The following SPATA1 variants were observed in gnomAD, a reference collection of about 807,000 sequenced individuals.
SPATA1 encodes the protein spermatogenesis associated 1, also known as spermatogenesis-associated protein 1.
SPATA1 carries 57 observed loss-of-function variants against 59.6 expected under a neutral mutation model. That is an observed-to-expected ratio of 0.96 (90% CI 0.77 to 1.19). The LOEUF (loss-of-function observed/expected upper bound fraction) is 1.19. SPATA1 is among the 50% of genes most tolerant of loss of function. The probability of loss-of-function intolerance (pLI) is 0.00; values close to 1 mark genes in which losing one functional copy is unlikely to be tolerated. For missense variants in SPATA1, 448 were observed against 480.7 expected (o/e 0.93, Z 0.64); for synonymous variants, 147 against 163.9 (o/e 0.90, Z 0.79).
At chr1:84,535,111 CT>C (rs891336121) in intron 8 of SPATA1, among the ~76,000 whole-genome samples, 6 of 152,114 alleles carry the variant, frequency 3.9e-5, no homozygotes, top group African/African-American at 1.4e-4. Context: ...TTTGTTAAGA[CT>C]TTATTTTTCC....
chr1:84,562,064 T>A (rs1684606101), intron 4 of SPATA1, among the ~76,000 whole-genome samples: 1 of 152,228 alleles, frequency 6.6e-6, no homozygotes, highest in Non-Finnish European at 1.5e-5. Flanking sequence ...TTCTAAGAAC[T>A]GCATGTTTCT....
intron 4 of SPATA1, among the ~76,000 whole-genome samples, chr1:84,561,387 G>A (rs556488386): frequency 6.6e-6 from 1 of 152,304 alleles, no homozygotes; most frequent in East Asian, 1.9e-4. Flanking sequence ...AATAGATGAG[G>A]AGCTACTTCT....
At chr1:84,560,374 C>G (rs1239082555) in intron 4 of SPATA1, among the ~76,000 whole-genome samples, 1 of 152,178 alleles carries the variant, frequency 6.6e-6, no homozygotes, top group Non-Finnish European at 1.5e-5. Context: ...TCTGAACAGA[C>G]AGTCCTTGCT....
At chr1:84,514,422 C>CAGATTTT (rs1261541756) in intron 1 of SPATA1, among the ~76,000 whole-genome samples, 2 of 152,162 alleles carry the variant, frequency 1.3e-5, no homozygotes, top group Admixed American at 6.5e-5. Context: ...TTTCAGATTT[C>CAGATTTT]AGATTTTTTC....
chr1:84,535,040 T>G (rs1683616943), intron 8 of SPATA1, among the ~76,000 whole-genome samples: 1 of 152,172 alleles, frequency 6.6e-6, no homozygotes, highest in Admixed American at 6.5e-5. Flanking sequence ...AAATTTTATG[T>G]ACAGAATGAG....
At chr1:84,557,679 C>G (rs1684485859), downstream of SPATA1, among the ~76,000 whole-genome samples, 1 of 150,738 alleles carries the variant, frequency 6.6e-6, no homozygotes, top group Non-Finnish European at 1.5e-5. Context: ...CACAGTGAAA[C>G]CCCGTCTCTA....
At chr1:84,525,772 C>CTT in intron 5 of SPATA1, 23 bp downstream of exon 5, 2 of 1,604,964 alleles carry the variant, frequency 1.2e-6, no homozygotes, top group Non-Finnish European at 1.7e-6. Context: ...ACATTTTAAA[C>CTT]TTATGCTAAT....
At chr1:84,523,519 C>T (rs921688461) in intron 4 of SPATA1, among the ~76,000 whole-genome samples, 9 of 152,136 alleles carry the variant, frequency 5.9e-5, no homozygotes, top group Non-Finnish European at 1.0e-4. Context: ...GGAGGGACTT[C>T]ATTTTATTCA....
chr1:84,554,016 C>A (rs1462333206), exon 13 of SPATA1: 1 of 152,140 alleles, frequency 6.6e-6, no homozygotes, highest in East Asian at 1.9e-4. Flanking sequence ...GCAGCTCATG[C>A]CTGTAATCCC....
exon 5 of SPATA1, chr1:84,525,703 A>T (rs1194273736): frequency 6.3e-7 from 1 of 1,585,648 alleles, no homozygotes; most frequent in Non-Finnish European, 8.5e-7. Flanking sequence ...TAGGTGAAGG[A>T]AAAGCAAGAA....
At chr1:84,526,677 G>A (rs945758938) in intron 6 of SPATA1, among the ~76,000 whole-genome samples, 6 of 151,744 alleles carry the variant, frequency 4.0e-5, no homozygotes, top group African/African-American at 1.5e-4. Context: ...GACCAGCTTG[G>A]GCAACATGGC....
intron 8 of SPATA1, among the ~76,000 whole-genome samples, chr1:84,536,881 C>CT (rs34058475): frequency 8.5e-5 from 9 of 105,750 alleles, no homozygotes; most frequent in South Asian, 3.1e-4. Context: ...TTTCTTTTTT[C>CT]TTTTTTTTTT....
intron 3 of SPATA1, 58 bp from the exon 4 acceptor site, chr1:84,522,332 T>C: frequency 1.0e-6 from 1 of 963,160 alleles, no homozygotes; most frequent in East Asian, 2.9e-5. Context: ...TATTGAATCA[T>C]TAGTATATCC....
At chr1:84,564,644 C>G (rs1470347183) in intron 4 of SPATA1, among the ~76,000 whole-genome samples, 1 of 152,182 alleles carries the variant, frequency 6.6e-6, no homozygotes, top group Non-Finnish European at 1.5e-5. Context: ...AGGCTTGAAC[C>G]TTTTATTGAT....
chr1:84,557,141 T>C (rs1684459054), downstream of SPATA1, among the ~76,000 whole-genome samples: 1 of 152,188 alleles, frequency 6.6e-6, no homozygotes, highest in East Asian at 1.9e-4. Context: ...GAATATTGAG[T>C]CCAAGATGAG....
chr1:84,530,625 C>A (rs1391858597), intron 6 of SPATA1, among the ~76,000 whole-genome samples: 4 of 152,132 alleles, frequency 2.6e-5, no homozygotes, highest in Non-Finnish European at 5.9e-5. Flanking sequence ...TAAATCAGAA[C>A]TTAAAGTCAA....
At chr1:84,552,455 C>T (rs1378633793) in intron 12 of SPATA1, 2 of 152,112 alleles carry the variant, frequency 1.3e-5, no homozygotes, top group African/African-American at 2.4e-5. Flanking sequence ...GTACCCACTT[C>T]ACTTACTAGT....
At chr1:84,522,352 T>G in intron 3 of SPATA1, 38 bp from the exon 4 acceptor site, 1 of 1,235,844 alleles carries the variant, frequency 8.1e-7, no homozygotes, top group African/African-American at 1.5e-5. Flanking sequence ...CAAAATCTAT[T>G]TCATTTTATA....
chr1:84,553,506 C>A (rs1684337628), exon 13 of SPATA1: 1 of 152,106 alleles, frequency 6.6e-6, no homozygotes, highest in Non-Finnish European at 1.5e-5. Flanking sequence ...ATACAGACTT[C>A]ATTTAACTTA....
Sources: allele counts gnomAD v4.1 joint callset (sites outside exome capture counted in the v4.1 genomes callset), GRCh38; gene constraint gnomAD v4.1.1; transcripts MANE v1.5; gene names NCBI Gene and HGNC (gene_info 2026-07-23, HGNC 2026-07-21).